The following ATL2 variants were observed in gnomAD, a reference collection of about 807,000 sequenced individuals.
The protein encoded by ATL2 is atlastin GTPase 2.
ATL2 carries 31 observed loss-of-function variants against 73.9 expected under a neutral mutation model. The observed-to-expected ratio is 0.42, with a 90% CI of 0.32 to 0.57. The LOEUF (loss-of-function observed/expected upper bound fraction) is 0.57, where lower values mean the gene tolerates loss of function less well. ATL2 is among the 20% of genes least tolerant of loss of function. The probability of loss-of-function intolerance (pLI) is 0.14; values close to 1 mark genes in which losing one functional copy is unlikely to be tolerated. For missense variants in ATL2, 738 were observed against 702.6 expected, an observed-to-expected ratio of 1.05 and a Z score of -0.57; for synonymous variants, 291 against 237.5, an observed-to-expected ratio of 1.23 and a Z score of -2.07.
At chr2:38,349,161 T>G (rs1670197946) in intron 1 of ATL2, among the ~76,000 whole-genome samples, 1 of 152,144 alleles carries the variant, frequency 6.6e-6, no homozygotes. Flanking sequence ...GACCCAGTCA[T>G]CCCATTACTG....
chr2:38,354,555 C>A (rs546287798), intron 1 of ATL2, among the ~76,000 whole-genome samples: 1 of 151,690 alleles, frequency 6.6e-6, no homozygotes, highest in Non-Finnish European at 1.5e-5. Flanking sequence ...CCTAGAGTAA[C>A]GGCTTTAAAA....
At chr2:38,366,572 T>C (rs1671343891) in intron 1 of ATL2, among the ~76,000 whole-genome samples, 1 of 152,224 alleles carries the variant, frequency 6.6e-6, no homozygotes, top group Non-Finnish European at 1.5e-5. Context: ...CTCTAAGATC[T>C]ACCCATTCTT....
At chr2:38,322,149 T>C (rs1668361432) in intron 2 of ATL2, among the ~76,000 whole-genome samples, 1 of 152,138 alleles carries the variant, frequency 6.6e-6, no homozygotes, top group South Asian at 2.1e-4. Context: ...CCTTGCACTG[T>C]TGTAAGTTCT....
At chr2:38,337,610 T>C (rs1360664078) in intron 2 of ATL2, among the ~76,000 whole-genome samples, 3 of 150,930 alleles carry the variant, frequency 2.0e-5, no homozygotes, top group African/African-American at 7.3e-5. Context: ...AAAAAAGTCC[T>C]TATTTTTAAG....
intron 1 of ATL2, among the ~76,000 whole-genome samples, chr2:38,353,036 C>T (rs1435319427): frequency 1.3e-5 from 2 of 152,042 alleles, no homozygotes; most frequent in Non-Finnish European, 2.9e-5. Context: ...ATTTAATATA[C>T]AGTATATAAA....
Position 38,295,940 on chromosome 2 carries a change from T to C in ATL2, c.*54A>G, listed in dbSNP as rs1406650346. The C allele has an allele frequency of 1.0e-5, 14 of 1,402,888 alleles. No homozygotes were observed. Among genetic ancestry groups the C allele is most frequent in the East Asian group, 2.5e-5 (1 of 39,812 alleles). 86.9% of individuals were successfully genotyped at this position (1,402,888 alleles called of 1,614,324 possible). ...TGGTTTATTTTTATTTGAGTTCTCATTGTACAGCAAGCATGAAAAAAAAAG... is the reference window on the plus strand; with the variant it reads ...TGGTTTATTTTTATTTGAGTTCTCACTGTACAGCAAGCATGAAAAAAAAAG... On this transcript the variant is annotated 3_prime_UTR_variant, in exon 13 of 13. Coordinates refer to ENST00000378954, the MANE Select transcript of ATL2 (RefSeq NM_001135673.4).
intron 2 of ATL2, among the ~76,000 whole-genome samples, chr2:38,330,015 G>A (rs574365107): frequency 2.6e-5 from 4 of 152,102 alleles, no homozygotes; most frequent in African/African-American, 9.6e-5. Context: ...TGTAATCCCA[G>A]CTACTGTGGA....
chr2:38,329,617 C>T (rs965410918), intron 2 of ATL2, among the ~76,000 whole-genome samples: 3 of 151,652 alleles, frequency 2.0e-5, no homozygotes, highest in Non-Finnish European at 2.9e-5. Flanking sequence ...TACCCTAATA[C>T]CAAAACCAGA....
At chr2:38,373,630 T>TAA (rs150535031) in intron 1 of ATL2, among the ~76,000 whole-genome samples, 1 of 152,324 alleles carries the variant, frequency 6.6e-6, no homozygotes, top group East Asian at 1.9e-4. Context: ...GGTGGCTACT[T>TAA]AAATACACAC....
At chr2:38,311,642 A>C (rs1254170406) in intron 7 of ATL2, among the ~76,000 whole-genome samples, 1 of 152,192 alleles carries the variant, frequency 6.6e-6, no homozygotes, top group Non-Finnish European at 1.5e-5. Flanking sequence ...AAAGTACAAA[A>C]ACAAAGCCTG....
intron 1 of ATL2, among the ~76,000 whole-genome samples, chr2:38,369,946 T>G (rs1196141758): frequency 2.7e-5 from 4 of 147,104 alleles, no homozygotes; most frequent in Admixed American, 2.7e-4. Context: ...GGTCAGGAGA[T>G]TGAGACCATC....
chr2:38,365,956 A>AAT (rs397868318), intron 1 of ATL2, among the ~76,000 whole-genome samples: 2 of 151,618 alleles, frequency 1.3e-5, no homozygotes, highest in Admixed American at 1.3e-4. Context: ...TCAAAAAAAA[A>AAT]GAGGTAAGTA....
At chr2:38,352,992 G>C in intron 1 of ATL2, among the ~76,000 whole-genome samples, 1 of 152,100 alleles carries the variant, frequency 6.6e-6, no homozygotes, top group South Asian at 2.1e-4. Flanking sequence ...CCAAAAACAA[G>C]CTAAGAGAAT....
intron 2 of ATL2, among the ~76,000 whole-genome samples, chr2:38,328,557 T>C (rs1001169269): frequency 7.9e-5 from 12 of 152,224 alleles, no homozygotes; most frequent in Middle Eastern, 3.4e-3. Context: ...TAGTTGGAGT[T>C]TAAAACAACT....
At chr2:38,370,887 G>A (rs1041483485) in intron 1 of ATL2, among the ~76,000 whole-genome samples, 1 of 151,976 alleles carries the variant, frequency 6.6e-6, no homozygotes, top group African/African-American at 2.4e-5. Context: ...CACCCCAGAA[G>A]TTCAAGGTTG....
intron 4 of ATL2, among the ~76,000 whole-genome samples, chr2:38,317,640 C>T (rs970183944): frequency 6.6e-6 from 1 of 151,972 alleles, no homozygotes; most frequent in Admixed American, 6.6e-5. Context: ...AACTGAGTAC[C>T]ACTTGTCATA....
At chr2:38,318,397 C>T (rs1668141011) in intron 4 of ATL2, 138 bp downstream of exon 4, 3 of 508,370 alleles carry the variant, frequency 5.9e-6, no homozygotes, top group South Asian at 1.0e-4. Context: ...ACCCAGGAGG[C>T]AGAGGTTGCA....
rs539691960 is a variant in ATL2 at position 38,375,046 on chromosome 2, A to G, written c.118+2097T>C. Among the ~76,000 whole-genome samples, 31 of 152,336 alleles carry G rather than the reference A, an allele frequency of 2.0e-4. 1 individual carries two copies. In the South Asian group the frequency reaches 2.7e-3, roughly 13 times the overall value. ...GATTTAATCATATCTACAGAATCCTATCAACTTAAAAAGCCAATAAAATGA... is the reference window on the plus strand; with the variant it reads ...GATTTAATCATATCTACAGAATCCTGTCAACTTAAAAAGCCAATAAAATGA... On this transcript the variant is annotated intron_variant, in intron 1 of 12. Coordinates refer to ENST00000378954, the MANE Select transcript of ATL2 (RefSeq NM_001135673.4).
chr2:38,378,159 A>G (rs752916071), upstream of ATL2, among the ~76,000 whole-genome samples: 10 of 152,226 alleles, frequency 6.6e-5, no homozygotes, highest in Non-Finnish European at 1.5e-4. Context: ...TGCCAGCTGC[A>G]TTAGAAATTC....
Sources: gnomAD v4.1 joint callset for allele counts (sites outside exome capture counted in the v4.1 genomes callset) on GRCh38, gnomAD v4.1.1 for gene constraint, MANE v1.5 for transcripts, NCBI Gene and HGNC (gene_info 2026-07-23, HGNC 2026-07-21) for gene names.